PTGER3: variants seen among roughly 807,000 people sequenced by gnomAD.
PTGER3 encodes prostaglandin E2 receptor EP3 subtype.
A neutral mutation model predicts 34.7 loss-of-function variants in PTGER3; 22 were observed. The observed-to-expected ratio is 0.63, with a 90% CI of 0.45 to 0.91. The LOEUF is 0.91. Among genes scored for constraint, PTGER3 ranks in the 40% least tolerant of loss-of-function variants. The pLI is 0.00. For synonymous variants in PTGER3, 241 were observed against 230.1 expected, an observed-to-expected ratio of 1.05 and a Z score of -0.43; for missense variants, 468 against 519.4, an observed-to-expected ratio of 0.90 and a Z score of 0.96.
rs763517213 is a variant in PTGER3, at chr1:71,012,301, C to T, written c.1077+4G>A. 2 of 1,614,100 alleles carry T rather than the reference C, an allele frequency of 1.2e-6. No homozygotes were observed. The highest frequency in any genetic ancestry group is 1.1e-5 in the South Asian group (1 of 91,084). ...TTAGAGCAGCTGGAGACAGCATTTG[C>T]TACCTGGCAAAACTTTCGAAGAAGG... On this transcript the variant is annotated splice_donor_region_variant and intron_variant, in intron 2 of 3. Transcript: ENST00000306666.
In PTGER3 at chr1:70,971,576, A is replaced by G. The variant is rs1256603237; in HGVS notation, c.*154T>C. ...GATTATAATAATAAAGTTGATCTCC[A>G]TGGGTATTACTGACAAAACAATCAT... On this transcript the variant is annotated 3_prime_UTR_variant, in exon 4 of 4. Coordinates refer to ENST00000306666, the MANE Select transcript of PTGER3 (RefSeq NM_198719.2). The G allele has an allele frequency of 5.4e-6, 7 of 1,305,450 alleles. No homozygotes were observed. Among genetic ancestry groups the G allele is most frequent in the African/African-American group, 1.5e-5 (1 of 64,802 alleles). 80.9% of individuals were successfully genotyped at this position (1,305,450 alleles called of 1,614,324 possible). A position where few individuals can be genotyped will look rare whatever the true frequency, so the allele number is the denominator to read the frequency against.
chr1:70,981,590 G>A (rs1654374826), intron 2 of PTGER3, among the ~76,000 whole-genome samples: 1 of 151,474 alleles, frequency 6.6e-6, no homozygotes, highest in Admixed American at 6.6e-5. Flanking sequence ...TTTATTTTTT[G>A]TAGAGATAGG....
intron 4 of PTGER3, among the ~76,000 whole-genome samples, chr1:70,918,993 G>T (rs1647290807): frequency 6.6e-6 from 1 of 152,032 alleles, no homozygotes; most frequent in African/African-American, 2.4e-5. Context: ...ACAAATAGAG[G>T]TTCCAGTTTG....
chr1:70,862,298 G>A (rs1446763164), intron 4 of PTGER3: 4 of 1,332,840 alleles, frequency 3.0e-6, no homozygotes, highest in Non-Finnish European at 4.0e-6. Context: ...TGGAGATCAT[G>A]ACTTACATCT....
intron 4 of PTGER3, among the ~76,000 whole-genome samples, chr1:70,894,164 C>A (rs2100294412): frequency 6.6e-6 from 1 of 151,922 alleles, no homozygotes; most frequent in East Asian, 1.9e-4. Context: ...AAAAAATTAG[C>A]CGGGCGTGGT....
intron 1 of PTGER3, among the ~76,000 whole-genome samples, chr1:71,045,146 C>T (rs1300969366): frequency 2.6e-5 from 4 of 152,150 alleles, no homozygotes; most frequent in Non-Finnish European, 5.9e-5. Flanking sequence ...TAGGTCTCAG[C>T]ATAACACTCC....
downstream of PTGER3, among the ~76,000 whole-genome samples, chr1:70,950,557 A>G (rs1184346428): frequency 6.6e-6 from 1 of 152,192 alleles, no homozygotes; most frequent in Non-Finnish European, 1.5e-5. Flanking sequence ...GACTAAAAAC[A>G]TATAAGAAAG....
chr1:71,005,370 A>G, intron 2 of PTGER3, among the ~76,000 whole-genome samples: 1 of 152,196 alleles, frequency 6.6e-6, no homozygotes, highest in Non-Finnish European at 1.5e-5. Context: ...AAAATATCCT[A>G]CAATGTCCTT....
At chr1:70,979,358 G>A (rs1654026245) in intron 2 of PTGER3, among the ~76,000 whole-genome samples, 1 of 150,482 alleles carries the variant, frequency 6.6e-6, no homozygotes, top group African/African-American at 2.4e-5. Flanking sequence ...CCTAGAACCA[G>A]AACTAGAAAC....
At chr1:70,931,889 C>T (rs1343768168) in intron 4 of PTGER3, among the ~76,000 whole-genome samples, 27 of 152,216 alleles carry the variant, frequency 1.8e-4, no homozygotes. Flanking sequence ...GCTACTTATA[C>T]AAATTTCTGC....
At position 71,021,853 on chromosome 1, in the gene PTGER3, T is replaced by C. The variant is rs142079280; in HGVS notation, c.898-9369A>G. Among the ~76,000 whole-genome samples, 162 of 151,950 alleles carry C rather than the reference T, an allele frequency of 1.1e-3. 3 individuals carry two copies. Among genetic ancestry groups the C allele is most frequent in the African/African-American group, 3.6e-3 (150 of 41,290 alleles). ...TGACAATAGAGCACTGCTTAAACTA[T>C]GGACCATCCTTCATATGCATAATTT... On this transcript the variant is annotated intron_variant, in intron 1 of 3. Coordinates refer to ENST00000306666, the MANE Select transcript of PTGER3 (RefSeq NM_198719.2).
At chr1:70,895,107 T>C (rs1304221556) in intron 4 of PTGER3, among the ~76,000 whole-genome samples, 1 of 152,166 alleles carries the variant, frequency 6.6e-6, no homozygotes. Context: ...CAATACTGAG[T>C]TCCCCCCAGC....
chr1:70,955,949 A>G (rs1651280951), intron 2 of PTGER3, among the ~76,000 whole-genome samples: 1 of 152,156 alleles, frequency 6.6e-6, no homozygotes, highest in African/African-American at 2.4e-5. Flanking sequence ...CCAGTCTAGG[A>G]TTGATCTTAA....
At chr1:70,905,298 G>C (rs1646921572) in intron 4 of PTGER3, among the ~76,000 whole-genome samples, 1 of 152,124 alleles carries the variant, frequency 6.6e-6, no homozygotes, top group Non-Finnish European at 1.5e-5. Flanking sequence ...CACCCACACA[G>C]TGTCCCTACT....
In PTGER3 at chr1:70,899,404, T is replaced by A. The variant is rs563651312; in HGVS notation, c.*24-46545A>T. Among the ~76,000 whole-genome samples, 5 of 152,128 alleles carry A rather than the reference T, an allele frequency of 3.3e-5. No individual in the cohort carries two copies. In the East Asian group the frequency reaches 7.7e-4, roughly 24 times the overall value. On this transcript the variant is annotated intron_variant, in intron 4 of 4. Coordinates refer to the PTGER3 transcript ENST00000370931. ...CAAAGGAAATGGCACCCAGACTGAGTCTCAAAGCATGAATGAAAATTGATC... is the reference window on the plus strand; with the variant it reads ...CAAAGGAAATGGCACCCAGACTGAGACTCAAAGCATGAATGAAAATTGATC...
intron 4 of PTGER3, among the ~76,000 whole-genome samples, chr1:70,919,500 C>T (rs1018522992): frequency 1.3e-5 from 2 of 152,072 alleles, no homozygotes; most frequent in African/African-American, 4.8e-5. Context: ...CTAAAGAAAA[C>T]TCCATTTAGA....
chr1:70,873,766 GC>G (rs1469355986), intron 4 of PTGER3, among the ~76,000 whole-genome samples: 1 of 151,662 alleles, frequency 6.6e-6, no homozygotes, highest in Non-Finnish European at 1.5e-5. Context: ...TCCTGCTTCA[GC>G]CTCCTGAGTA....
intron 1 of PTGER3, among the ~76,000 whole-genome samples, chr1:71,046,284 T>C (rs1573025153): frequency 6.3e-5 from 1 of 15,890 alleles, no homozygotes; most frequent in Non-Finnish European, 1.2e-4. Flanking sequence ...AGACTCCGTC[T>C]CAAAAAAAAA....
chr1:71,042,792 C>A (rs1243331417), intron 1 of PTGER3, among the ~76,000 whole-genome samples: 1 of 152,116 alleles, frequency 6.6e-6, no homozygotes, highest in Non-Finnish European at 1.5e-5. Context: ...GAAAAAAAAT[C>A]ACAACTACAT....
Sources: allele counts gnomAD v4.1 joint callset (sites outside exome capture counted in the v4.1 genomes callset), GRCh38; gene constraint gnomAD v4.1.1; transcripts MANE v1.5; gene names NCBI Gene and HGNC (gene_info 2026-07-23, HGNC 2026-07-21).